Variants in SBNO2 observed in about 807,000 individuals in gnomAD.
SBNO2 encodes protein strawberry notch homolog 2.
SBNO2 carries 89 observed loss-of-function variants against 146.3 expected under a neutral mutation model. That is an observed-to-expected ratio of 0.61 (90% CI 0.51 to 0.73). The LOEUF (loss-of-function observed/expected upper bound fraction) is 0.73, where lower values mean the gene tolerates loss of function less well. Ranked by LOEUF, SBNO2 falls within the 30% of genes least tolerant of loss-of-function variation. The probability of loss-of-function intolerance (pLI) is 0.00; values close to 1 mark genes in which losing one functional copy is unlikely to be tolerated. For missense variants in SBNO2, 2,092 were observed against 2,003.7 expected, an observed-to-expected ratio of 1.04 and a Z score of -0.84; for synonymous variants, 1,147 against 892.6, an observed-to-expected ratio of 1.29 and a Z score of -5.08.
chr19:1,122,943 C>T lies in SBNO2; in HGVS notation c.731G>A (p.Ser244Asn), dbSNP rs577460483. Residue 244 changes from serine (S) to asparagine (N), a missense_variant, in exon 8 of 32, where the codon AGC (serine) becomes AAC (asparagine). Coordinates refer to ENST00000361757, the MANE Select transcript of SBNO2 (RefSeq NM_014963.3). ...TAGCTGCAGGGCAGACAGGGCCCCGCTGTCCGAGGGCAGGGCCAGGGTGTA... is the reference window on the plus strand; with the variant it reads ...TAGCTGCAGGGCAGACAGGGCCCCGTTGTCCGAGGGCAGGGCCAGGGTGTA... ...ITYTLALPSD[S>N]GALSALQLEA... The T allele has an allele frequency of 2.4e-5, 38 of 1,561,256 alleles. No individual in the cohort carries two copies. The South Asian group carries it at 3.8e-4, about 16-fold the overall frequency.
intron 1 of SBNO2, among the ~76,000 whole-genome samples, chr19:1,162,860 C>T (rs1031734926): frequency 6.6e-6 from 1 of 152,240 alleles, no homozygotes; most frequent in African/African-American, 2.4e-5. Flanking sequence ...GGGAAGAGAG[C>T]AGACCATCGT....
At chr19:1,137,046 T>A (rs1337304599) in intron 4 of SBNO2, among the ~76,000 whole-genome samples, 1 of 145,968 alleles carries the variant, frequency 6.9e-6, no homozygotes, top group African/African-American at 2.5e-5. Flanking sequence ...ACGCAAGGGA[T>A]CTGGGTGATG....
At chr19:1,120,099 A>C in intron 11 of SBNO2, 76 bp from the exon 12 acceptor site, 1 of 1,209,322 alleles carries the variant, frequency 8.3e-7, no homozygotes, top group Non-Finnish European at 1.2e-6. Flanking sequence ...ACCACCCAAG[A>C]CCCCACCTTC....
rs888541193 is a variant in SBNO2, at chr19:1,157,506, G to C, written c.-126-3104C>G. 6.6e-6 allele frequency among the ~76,000 whole-genome samples: 1 copy of C among 151,578 alleles called. No individual in the cohort carries two copies. Among genetic ancestry groups the C allele is most frequent in the Non-Finnish European group, 1.5e-5 (1 of 67,916 alleles). On this transcript the variant is annotated intron_variant, in intron 1 of 31. Transcript: ENST00000361757. The surrounding 1 kb of genome is among the most constrained non-coding windows in gnomAD (Gnocchi z 6.8). ...AAACGTCCAGCGGGCAGCAGAGCGT[G>C]TCCCCTGCCTGGTTTTATTTTTGGG...
Position 1,140,234 on chromosome 19 carries a change from T to C in SBNO2, c.279+7075A>G, listed in dbSNP as rs2080122324. Among the ~76,000 whole-genome samples the C allele has an allele frequency of 6.7e-6, 1 of 149,406 alleles. No homozygotes were observed. Among genetic ancestry groups the C allele is most frequent in the Non-Finnish European group, 1.5e-5 (1 of 67,504 alleles). ...AGAATGGCATGAACCCAGGAGGCGTTGGTTGCAGTGAGCCGAGGTCACGCC... is the reference window on the plus strand; with the variant it reads ...AGAATGGCATGAACCCAGGAGGCGTCGGTTGCAGTGAGCCGAGGTCACGCC... On this transcript the variant is annotated intron_variant, in intron 4 of 31. Coordinates refer to ENST00000361757, the MANE Select transcript of SBNO2 (RefSeq NM_014963.3). The surrounding 1 kb of genome is among the most constrained non-coding windows in gnomAD (Gnocchi z 4.4).
At chr19:1,118,909 C>CG in intron 14 of SBNO2, 102 bp downstream of exon 14, 1 of 1,233,074 alleles carries the variant, frequency 8.1e-7, no homozygotes, top group Non-Finnish European at 1.1e-6. Flanking sequence ...CAGGACAGGG[C>CG]GGGCCGTCAC....
intron 1 of SBNO2, among the ~76,000 whole-genome samples, chr19:1,165,797 C>T (rs762674138): frequency 4.3e-4 from 4 of 9,262 alleles, no homozygotes; most frequent in Non-Finnish European, 8.8e-4. Context: ...AGACCCCAGA[C>T]CCCAGATCCC....
Position 1,122,500 on chromosome 19 carries a change from C to T in SBNO2, c.973G>A (p.Ala325Thr). 2 of 1,572,362 alleles carry T rather than the reference C, an allele frequency of 1.3e-6. No individual in the cohort carries two copies. Among genetic ancestry groups the T allele is most frequent in the South Asian group, 2.3e-5 (2 of 86,134 alleles). ...AGCGCGTGCACCGCGATGCCCGTGG[C>T]TTCGATGTCCCGCAGGTCGCGCTCC... is the stretch of plus-strand genomic sequence containing the variant. ...DAERDLRDIE[A>T]TGIAVHALSK... The change falls in exon 10 of 32, where the codon GCC becomes ACC. Residue 325 changes from alanine (A) to threonine (T), a missense_variant. Transcript: ENST00000361757.
chr19:1,174,043 C>A (rs1004438768), intron 1 of SBNO2, 129 bp downstream of exon 1: 7 of 150,846 alleles, frequency 4.6e-5, no homozygotes, highest in Non-Finnish European at 1.0e-4. Flanking sequence ...CGCTCGCCCC[C>A]GCCCCACGGC....
At chr19:1,149,071 C>A (rs527936916) in intron 3 of SBNO2, among the ~76,000 whole-genome samples, 27 of 101,110 alleles carry the variant, frequency 2.7e-4, no homozygotes, top group Middle Eastern at 4.3e-3. Flanking sequence ...CCCTTCCCAT[C>A]CTGGTGTCAC....
At chr19:1,151,662 TCTTTC>T (rs1378920818) in intron 2 of SBNO2, among the ~76,000 whole-genome samples, 1 of 151,880 alleles carries the variant, frequency 6.6e-6, no homozygotes, top group Admixed American at 6.6e-5. Flanking sequence ...CTGGTGATTT[TCTTTC>T]CTTTCCTTAT....
intron 2 of SBNO2, among the ~76,000 whole-genome samples, 188 bp from the exon 3 acceptor site, chr19:1,149,630 C>T (rs2080224524): frequency 6.6e-6 from 1 of 152,234 alleles, no homozygotes; most frequent in Admixed American, 6.5e-5. Context: ...CCCACCTGCA[C>T]AAGACCCCAC....
At chr19:1,113,473 G>A (rs760212099) in intron 19 of SBNO2, 62 bp downstream of exon 19, 50 of 1,394,802 alleles carry the variant, frequency 3.6e-5, no homozygotes, top group African/African-American at 7.4e-5. Context: ...CACAGCCTGC[G>A]TGAAGCCCCA....
chr19:1,111,054 C>G lies in SBNO2; in HGVS notation c.2849G>C (p.Arg950Pro), dbSNP rs756126247. 3.8e-6 allele frequency: 6 copies of G among 1,566,788 alleles called. No homozygotes were observed. Among genetic ancestry groups the G allele is most frequent in the Non-Finnish European group, 5.2e-6 (6 of 1,156,884 alleles). Residue 950 changes from arginine to proline, a missense_variant, in exon 25 of 32, where the codon CGG (arginine) becomes CCG (proline). Transcript: ENST00000361757. ...QGLLSVGIGGRESRNGCLDVE... is the reference protein window; with the variant it reads ...QGLLSVGIGGPESRNGCLDVE... The stretch of plus-strand genomic sequence containing the variant: ...GTCCAGGCAGCCATTCCGGGACTCC[C>G]GGCCACCAATGCCCACAGACAGCAG...
rs892563779 is a variant in SBNO2, at chr19:1,108,012, G to A, written c.*208C>T. 3 of 394,412 alleles carry A rather than the reference G, an allele frequency of 7.6e-6. No homozygotes were observed. The highest frequency in any genetic ancestry group is 1.3e-5 in the Non-Finnish European group (3 of 225,872). The allele number at this position is 394,412 out of a possible 1,614,324, so 24.4% of individuals were successfully genotyped here. On this transcript the variant is annotated 3_prime_UTR_variant, in exon 32 of 32. Transcript: ENST00000361757. ...ACTTGGGAGGAGAGGCACAGAGAGG[G>A]CCCTGCCACGCCCCGGCCCCCAGCT...
rs566514279 is a variant in SBNO2 at position 1,136,510 on chromosome 19, G to A, written c.280-8745C>T. ...CCCTCCTGCACCTGCCCAGGCCCTGGGCGGAGGCTCCTCCTCCCGGGGGGG... is the reference window on the plus strand; with the variant it reads ...CCCTCCTGCACCTGCCCAGGCCCTGAGCGGAGGCTCCTCCTCCCGGGGGGG... On this transcript the variant is annotated intron_variant, in intron 4 of 31. Coordinates refer to ENST00000361757, the MANE Select transcript of SBNO2 (RefSeq NM_014963.3). This position sits in a 1 kb window ranked among gnomAD's most constrained non-coding sequence, Gnocchi z 4.2. Among the ~76,000 whole-genome samples the A allele has an allele frequency of 6.6e-6, 1 of 152,358 alleles. No individual in the cohort carries two copies. The highest frequency in any genetic ancestry group is 1.5e-5 in the Non-Finnish European group (1 of 68,030).
chr19:1,166,048 C>CA (rs2080418266), intron 1 of SBNO2, among the ~76,000 whole-genome samples: 1 of 122,216 alleles, frequency 8.2e-6, no homozygotes. Flanking sequence ...CCCCAGATCC[C>CA]AGATCCCAGA....
At chr19:1,123,909 AG>A in intron 6 of SBNO2, 32 bp downstream of exon 6, 1 of 1,596,760 alleles carries the variant, frequency 6.3e-7, no homozygotes, top group Non-Finnish European at 8.5e-7. Flanking sequence ...ATGAGAGGGC[AG>A]GGGAGGGAGC....
At position 1,157,364 on chromosome 19, in the gene SBNO2, C is replaced by T. The variant is rs932324294; in HGVS notation, c.-126-2962G>A. On this transcript the variant is annotated intron_variant, in intron 1 of 31. Transcript: ENST00000361757. This position sits in a 1 kb window ranked among gnomAD's most constrained non-coding sequence, Gnocchi z 6.8. ...CGGAGACGCTCTCCCCACGCGGCCC[C>T]GGAGACCCTCTGCCACGCAGCCCCG... 2.1e-5 allele frequency among the ~76,000 whole-genome samples: 3 copies of T among 143,352 alleles called. No homozygotes were observed. Among genetic ancestry groups the T allele is most frequent in the Non-Finnish European group, 3.1e-5 (2 of 64,954 alleles). The allele number at this position is 143,352 out of a possible 152,430, so 94.0% of individuals were successfully genotyped here.
Sources: gnomAD v4.1 joint callset for allele counts (sites outside exome capture counted in the v4.1 genomes callset) on GRCh38, gnomAD v4.1.1 for gene constraint, Gnocchi (gnomAD v3.1) non-coding constraint, MANE v1.5 for transcripts, NCBI Gene and HGNC (gene_info 2026-07-23, HGNC 2026-07-21) for gene names.